Variants in PTPRG observed in about 807,000 individuals in gnomAD.
PTPRG encodes protein tyrosine phosphatase receptor type G.
A neutral mutation model predicts 165.3 loss-of-function variants in PTPRG; 102 were observed. That is an observed-to-expected ratio of 0.62 (90% confidence interval 0.53 to 0.73). The LOEUF (loss-of-function observed/expected upper bound fraction) is 0.73, where lower values mean the gene tolerates loss of function less well. Among genes scored for constraint, PTPRG ranks in the 30% least tolerant of loss-of-function variants. The pLI is 0.00. For synonymous variants in PTPRG, 675 were observed against 669.5 expected, an observed-to-expected ratio of 1.01 and a Z score of -0.13; for missense variants, 1,866 against 1,861.4, an observed-to-expected ratio of 1.00 and a Z score of -0.05.
intron 1 of PTPRG, among the ~76,000 whole-genome samples, chr3:61,569,001 T>G (rs1419177529): frequency 1.3e-5 from 2 of 152,206 alleles, no homozygotes; most frequent in African/African-American, 4.8e-5. Context: ...GTTTCTGTTT[T>G]GGAAGCCTCC....
At chr3:61,870,609 G>A (rs577239611) in intron 2 of PTPRG, among the ~76,000 whole-genome samples, 1 of 133,136 alleles carries the variant, frequency 7.5e-6, no homozygotes, top group Non-Finnish European at 1.6e-5. Flanking sequence ...TCGAACTCCT[G>A]AGCTCAGGTG....
intron 28 of PTPRG, among the ~76,000 whole-genome samples, chr3:62,290,425 G>A (rs12330512): frequency 2.0e-5 from 3 of 152,106 alleles, no homozygotes; most frequent in African/African-American, 4.8e-5. Context: ...TTGGACATCA[G>A]TGTACCAGTA....
chr3:62,265,847 T>TACACAC (rs3046596), intron 17 of PTPRG, among the ~76,000 whole-genome samples: 64 of 126,932 alleles, frequency 5.0e-4, no homozygotes, highest in Middle Eastern at 8.5e-3. Flanking sequence ...CATACATACA[T>TACACAC]ACACACACAC....
intron 2 of PTPRG, among the ~76,000 whole-genome samples, chr3:61,839,578 A>C (rs986180738): frequency 1.3e-5 from 2 of 152,194 alleles, no homozygotes; most frequent in East Asian, 3.8e-4. Context: ...AAAAGATAGG[A>C]ATTTGCTTTA....
intron 8 of PTPRG, among the ~76,000 whole-genome samples, chr3:62,172,057 G>A (rs1705238217): frequency 6.6e-6 from 1 of 152,118 alleles, no homozygotes; most frequent in Non-Finnish European, 1.5e-5. Flanking sequence ...ATCTGTATTG[G>A]GGGCTGTGTA....
intron 2 of PTPRG, among the ~76,000 whole-genome samples, chr3:61,921,649 T>C (rs2039080536): frequency 6.6e-6 from 1 of 152,244 alleles, no homozygotes; most frequent in East Asian, 1.9e-4. Flanking sequence ...TATGTGAAAG[T>C]TAAATGAATT....
At chr3:61,736,142 A>G (rs981685293) in intron 1 of PTPRG, among the ~76,000 whole-genome samples, 1 of 151,924 alleles carries the variant, frequency 6.6e-6, no homozygotes, top group Non-Finnish European at 1.5e-5. Flanking sequence ...TCCTGAGCTC[A>G]GGCAATCCGC....
chr3:62,021,395 T>C (rs1219896382), intron 4 of PTPRG, among the ~76,000 whole-genome samples: 1 of 152,228 alleles, frequency 6.6e-6, no homozygotes, highest in African/African-American at 2.4e-5. Context: ...ATTTGACTGG[T>C]TGACATTTGA....
At chr3:61,965,348 C>T (rs994827557) in intron 2 of PTPRG, among the ~76,000 whole-genome samples, 16 of 151,666 alleles carry the variant, frequency 1.1e-4, no homozygotes, top group African/African-American at 3.9e-4. Context: ...ATTAGCTGGA[C>T]GTGCTAGTGC....
chr3:61,740,502 G>A (rs1410455322), intron 1 of PTPRG, among the ~76,000 whole-genome samples: 3 of 152,042 alleles, frequency 2.0e-5, no homozygotes, highest in Non-Finnish European at 4.4e-5. Flanking sequence ...AATGGCAGAG[G>A]AATGACTCCA....
At chr3:61,575,845 A>G (rs1215146808) in intron 1 of PTPRG, among the ~76,000 whole-genome samples, 1 of 152,170 alleles carries the variant, frequency 6.6e-6, no homozygotes, top group East Asian at 1.9e-4. Flanking sequence ...TCCTGAACTC[A>G]GGTGATGTGC....
At chr3:61,660,862 G>C (rs992306336) in intron 1 of PTPRG, among the ~76,000 whole-genome samples, 3 of 152,054 alleles carry the variant, frequency 2.0e-5, no homozygotes, top group Non-Finnish European at 4.4e-5. Flanking sequence ...TTAGCTGGGC[G>C]TGGTGGTGCA....
intron 2 of PTPRG, among the ~76,000 whole-genome samples, chr3:61,840,040 T>C (rs1188725391): frequency 6.6e-6 from 1 of 152,218 alleles, no homozygotes; most frequent in Non-Finnish European, 1.5e-5. Flanking sequence ...ATAGCACACA[T>C]ATATTTATGT....
At chr3:61,958,795 A>C (rs1052441865) in intron 2 of PTPRG, among the ~76,000 whole-genome samples, 2 of 152,178 alleles carry the variant, frequency 1.3e-5, no homozygotes, top group African/African-American at 2.4e-5. Flanking sequence ...TTCTAACCTA[A>C]TGCCCTATAA....
intron 5 of PTPRG, among the ~76,000 whole-genome samples, chr3:62,110,600 G>A (rs1702635203): frequency 6.6e-6 from 1 of 151,716 alleles, no homozygotes; most frequent in African/African-American, 2.4e-5. Context: ...GACAGGACTT[G>A]TGTGTGTGAA....
chr3:61,632,948 TTCCAG>T (rs1701809549), intron 1 of PTPRG, among the ~76,000 whole-genome samples: 1 of 152,186 alleles, frequency 6.6e-6, no homozygotes, highest in Non-Finnish European at 1.5e-5. Flanking sequence ...TGCCGGCTGT[TTCCAG>T]AATTTATGAA....
In PTPRG at chr3:61,654,545, C is replaced by T. The variant is rs958559252; in HGVS notation, c.85+92173C>T. ...GACTAGAGGCATGTGCCACCATGCT[C>T]AGCTAGTTTTTTGTATTTTTAGTAG... On this transcript the variant is annotated intron_variant, in intron 1 of 29. Transcript: ENST00000474889. Among the ~76,000 whole-genome samples, 9 of 151,758 alleles carry T rather than the reference C, an allele frequency of 5.9e-5. No individual in the cohort carries two copies. In the East Asian group the frequency reaches 7.8e-4, roughly 13 times the overall value.
chr3:61,620,397 C>G (rs1295424775), intron 1 of PTPRG, among the ~76,000 whole-genome samples: 1 of 152,158 alleles, frequency 6.6e-6, no homozygotes, highest in Non-Finnish European at 1.5e-5. Context: ...ATTGAATTTG[C>G]AGAGGGAAAA....
chr3:62,147,278 G>A (rs770437115), intron 6 of PTPRG, among the ~76,000 whole-genome samples: 36 of 152,166 alleles, frequency 2.4e-4, no homozygotes, highest in Admixed American at 7.9e-4. Flanking sequence ...TCAGTGAAGG[G>A]TAAACTGAGG....
Sources: allele counts gnomAD v4.1 joint callset (sites outside exome capture counted in the v4.1 genomes callset), GRCh38; gene constraint gnomAD v4.1.1; transcripts MANE v1.5; gene names NCBI Gene and HGNC (gene_info 2026-07-23, HGNC 2026-07-21).